The following PLCE1 variants were observed in gnomAD, a reference collection of about 807,000 sequenced individuals.
PLCE1 encodes the protein 1-phosphatidylinositol 4,5-bisphosphate phosphodiesterase epsilon-1.
PLCE1 carries 119 observed loss-of-function variants against 242.8 expected under a neutral mutation model. The ratio of observed to expected loss-of-function variants is 0.49; its 90% CI spans 0.42 to 0.57. PLCE1 has a LOEUF of 0.57. PLCE1 is among the 20% of genes least tolerant of loss of function. PLCE1 has a pLI of 0.00. For synonymous variants in PLCE1, 945 were observed against 1,017.4 expected (o/e 0.93, Z 1.35); for missense variants, 2,441 against 2,788.8 (o/e 0.88, Z 2.81).
chr10:94,197,803 T>G (rs2048867267), intron 4 of PLCE1, among the ~76,000 whole-genome samples: 1 of 151,782 alleles, frequency 6.6e-6, no homozygotes, highest in Non-Finnish European at 1.5e-5. Flanking sequence ...GCCAACCTGG[T>G]GAAACCCCAT....
chr10:94,190,029 A>AGT (rs1276719471), intron 4 of PLCE1, among the ~76,000 whole-genome samples: 8 of 152,340 alleles, frequency 5.3e-5, no homozygotes, highest in African/African-American at 1.9e-4. Context: ...AGCCGAGTGC[A>AGT]GTGGCTCATG....
rs539145210 is a variant in PLCE1, at chr10:94,048,700, A to T, written c.1206+16448A>T. ...TTTAATATATTTATAAATAATATAA[A>T]TATATATTAAATATATATGTATATA... On this transcript the variant is annotated intron_variant, in intron 2 of 32. Coordinates refer to ENST00000371380, the MANE Select transcript of PLCE1 (RefSeq NM_016341.4). 3.5e-5 allele frequency among the ~76,000 whole-genome samples: 5 copies of T among 144,554 alleles called. No homozygotes were observed. In the Admixed American group the frequency reaches 3.5e-4, roughly 10 times the overall value. The allele number at this position is 144,554 out of a possible 152,430, so 94.8% of individuals were successfully genotyped here. A position where few individuals can be genotyped will look rare whatever the true frequency, so the allele number is the denominator to read the frequency against.
chr10:94,244,271 C>G (rs2050603136), intron 7 of PLCE1, among the ~76,000 whole-genome samples: 1 of 152,176 alleles, frequency 6.6e-6, no homozygotes, highest in Non-Finnish European at 1.5e-5. Context: ...GTAGGTGGCC[C>G]AAGTGTCTCC....
At chr10:94,139,781 G>C (rs2046897865) in intron 3 of PLCE1, among the ~76,000 whole-genome samples, 1 of 152,154 alleles carries the variant, frequency 6.6e-6, no homozygotes, top group Non-Finnish European at 1.5e-5. Context: ...TAGCCATATA[G>C]TAGTTTTGGA....
intron 24 of PLCE1, among the ~76,000 whole-genome samples, chr10:94,301,249 C>T (rs1473262533): frequency 7.3e-5 from 11 of 150,558 alleles, no homozygotes; most frequent in African/African-American, 2.7e-4. Context: ...GAGGCTAAGG[C>T]AAAAGAATCT....
chr10:94,200,576 A>T (rs1463977079), intron 4 of PLCE1, among the ~76,000 whole-genome samples: 1 of 152,246 alleles, frequency 6.6e-6, no homozygotes, highest in African/African-American at 2.4e-5. Context: ...AACTCCAAAT[A>T]ACTCATGAAT....
intron 7 of PLCE1, 73 bp from the exon 8 acceptor site, chr10:94,245,873 T>C (rs2050661140): frequency 1.1e-5 from 12 of 1,129,780 alleles, no homozygotes; most frequent in Non-Finnish European, 2.7e-6. Flanking sequence ...TAAAGCCCAG[T>C]GTCAGTGAAA....
chr10:94,112,746 A>G (rs1029847976), intron 2 of PLCE1, among the ~76,000 whole-genome samples: 6 of 152,218 alleles, frequency 3.9e-5, no homozygotes, highest in Non-Finnish European at 8.8e-5. Context: ...GAACCACTGC[A>G]CTAGAATTTC....
intron 2 of PLCE1, among the ~76,000 whole-genome samples, chr10:94,033,045 A>G (rs756852407): frequency 1.8e-4 from 27 of 152,136 alleles, no homozygotes; most frequent in Non-Finnish European, 2.6e-4. Flanking sequence ...TTTACATAGT[A>G]TAAGGTATTC....
At chr10:94,136,066 C>T (rs1296534942) in intron 3 of PLCE1, among the ~76,000 whole-genome samples, 1 of 152,118 alleles carries the variant, frequency 6.6e-6, no homozygotes. Context: ...AAAGAATAAC[C>T]TCTTCCATAA....
At chr10:94,243,912 T>C (rs532566922) in intron 7 of PLCE1, among the ~76,000 whole-genome samples, 1 of 152,366 alleles carries the variant, frequency 6.6e-6, no homozygotes, top group East Asian at 1.9e-4. Context: ...TGTGTCTTGC[T>C]TAAAATTTGT....
chr10:94,297,590 T>TAAAAAAAAA (rs71031568), intron 23 of PLCE1, among the ~76,000 whole-genome samples: 38 of 56,572 alleles, frequency 6.7e-4, no homozygotes, highest in South Asian at 2.1e-3. Flanking sequence ...TTTAAATTTG[T>TAAAAAAAAA]AAAAAAAAAA....
rs756521986 is a variant in PLCE1 at position 94,254,921 on chromosome 10, C to A, written c.3426C>A (p.Asn1142Lys). 1.9e-6 allele frequency: 3 copies of A among 1,614,104 alleles called. No individual in the cohort carries two copies. The highest frequency in any genetic ancestry group is 2.5e-6 in the Non-Finnish European group (3 of 1,179,980). Reference protein sequence around the residue: ...SEVNAIANPPNPLPSRRAHSL... With the variant: ...SEVNAIANPPKPLPSRRAHSL... ...TGAATGCCATCGCTAACCCTCCAAA[C>A]CCCCTCCCTTCCAGAAGAGCCCACT... Residue 1142 changes from asparagine (N) to lysine (K), a missense_variant, in exon 11 of 33, where the codon AAC becomes AAA. Asn to Lys is a moderately conservative substitution (Grantham distance 94). Coordinates refer to ENST00000371380, the MANE Select transcript of PLCE1 (RefSeq NM_016341.4).
chr10:93,998,044 G>A (rs992289121), intron 1 of PLCE1, among the ~76,000 whole-genome samples: 9 of 152,338 alleles, frequency 5.9e-5, no homozygotes, highest in African/African-American at 1.2e-4. Context: ...CCCTCCTGGC[G>A]TGTTTTTGGA....
chr10:94,151,197 T>C (rs1006739621), intron 3 of PLCE1, among the ~76,000 whole-genome samples: 5 of 152,214 alleles, frequency 3.3e-5, no homozygotes, highest in African/African-American at 1.2e-4. Flanking sequence ...ATGGAAATCA[T>C]CTCTCACAAG....
chr10:94,224,416 G>A (rs2049869704), intron 4 of PLCE1, among the ~76,000 whole-genome samples: 1 of 152,152 alleles, frequency 6.6e-6, no homozygotes, highest in Non-Finnish European at 1.5e-5. Context: ...CCAGCCACTG[G>A]ACTAGTAAGT....
At chr10:94,082,056 C>T (rs1263402703) in intron 2 of PLCE1, 1 of 152,156 alleles carries the variant, frequency 6.6e-6, no homozygotes. Context: ...AGCATTCACT[C>T]AGGTAATATA....
chr10:94,210,091 C>CT (rs914596554), intron 4 of PLCE1, among the ~76,000 whole-genome samples: 5 of 150,700 alleles, frequency 3.3e-5, no homozygotes, highest in South Asian at 4.2e-4. Flanking sequence ...AAAAAATGAT[C>CT]TTTTTTTTGG....
At chr10:94,104,526 A>T (rs534988737) in intron 2 of PLCE1, 2 of 152,332 alleles carry the variant, frequency 1.3e-5, no homozygotes, top group African/African-American at 2.4e-5. Context: ...TATTTTGATG[A>T]TTGATTTTGT....
Sources: gnomAD v4.1 joint callset for allele counts (sites outside exome capture counted in the v4.1 genomes callset) on GRCh38, gnomAD v4.1.1 for gene constraint, MANE v1.5 for transcripts, NCBI Gene and HGNC (gene_info 2026-07-23, HGNC 2026-07-21) for gene names.